LHFPL6: variants seen among roughly 807,000 people sequenced by gnomAD.
LHFPL6 encodes LHFPL tetraspan subfamily member 6.
A neutral mutation model predicts 20.6 loss-of-function variants in LHFPL6; 9 were observed. That is an observed-to-expected ratio of 0.44 (90% CI 0.26 to 0.76). LHFPL6 has a LOEUF of 0.76. LHFPL6 is among the 30% of genes least tolerant of loss of function. The pLI, the probability that LHFPL6 is intolerant of heterozygous loss-of-function variation, is 0.20. For missense variants in LHFPL6, 218 were observed against 253.5 expected (o/e 0.86, Z 0.95); for synonymous variants, 105 against 98.7 (o/e 1.06, Z -0.38).
chr13:39,439,782 G>A (rs1566111875), intron 2 of LHFPL6, among the ~76,000 whole-genome samples: 1 of 152,096 alleles, frequency 6.6e-6, no homozygotes, highest in African/African-American at 2.4e-5. Flanking sequence ...TCTCTGGCAT[G>A]TGAAGTGCCT....
chr13:39,374,266 T>C (rs541041062), intron 3 of LHFPL6, among the ~76,000 whole-genome samples: 1 of 152,094 alleles, frequency 6.6e-6, no homozygotes, highest in South Asian at 2.1e-4. Flanking sequence ...AAGGAGTAAA[T>C]ACAAAAACAG....
chr13:39,381,088 C>A (rs181046836), intron 2 of LHFPL6, among the ~76,000 whole-genome samples: 1 of 152,162 alleles, frequency 6.6e-6, no homozygotes, highest in Admixed American at 6.5e-5. Context: ...TCCACTCAGT[C>A]CGTGGAAAAA....
At chr13:39,550,939 G>C (rs1447381466) in intron 2 of LHFPL6, among the ~76,000 whole-genome samples, 1 of 152,072 alleles carries the variant, frequency 6.6e-6, no homozygotes, top group African/African-American at 2.4e-5. Context: ...AATCAGAATA[G>C]TATAAAGAAT....
chr13:39,566,446 A>G (rs868615447), intron 2 of LHFPL6, among the ~76,000 whole-genome samples: 2 of 152,142 alleles, frequency 1.3e-5, no homozygotes, highest in Non-Finnish European at 2.9e-5. Flanking sequence ...ACGAAGTAAT[A>G]AATGATGAGT....
At chr13:39,586,499 C>A (rs1385464417) in intron 2 of LHFPL6, among the ~76,000 whole-genome samples, 2 of 152,064 alleles carry the variant, frequency 1.3e-5, no homozygotes, top group African/African-American at 4.8e-5. Flanking sequence ...ATTGTATTTT[C>A]TTTCCCCCTT....
intron 2 of LHFPL6, among the ~76,000 whole-genome samples, chr13:39,552,128 C>T (rs1022600090): frequency 9.9e-5 from 15 of 152,150 alleles, no homozygotes; most frequent in Non-Finnish European, 1.5e-4. Flanking sequence ...ATAGCATTCC[C>T]TTCATGGATC....
chr13:39,509,371 C>A (rs1869605954), intron 2 of LHFPL6, among the ~76,000 whole-genome samples: 1 of 152,006 alleles, frequency 6.6e-6, no homozygotes, highest in Admixed American at 6.6e-5. Flanking sequence ...AACACGAGGT[C>A]ATAAATATTT....
chr13:39,559,030 G>A (rs917174511), intron 2 of LHFPL6, among the ~76,000 whole-genome samples: 1 of 152,206 alleles, frequency 6.6e-6, no homozygotes, highest in Non-Finnish European at 1.5e-5. Context: ...CGATGGAGAG[G>A]TGCTGAGAGA....
At chr13:39,348,137 A>T (rs899656824) in intron 3 of LHFPL6, among the ~76,000 whole-genome samples, 2 of 152,192 alleles carry the variant, frequency 1.3e-5, no homozygotes, top group Non-Finnish European at 2.9e-5. Flanking sequence ...AGAAGTCAAT[A>T]AAATAGCAGA....
At chr13:39,448,551 A>G (rs1872354903) in intron 2 of LHFPL6, among the ~76,000 whole-genome samples, 1 of 152,224 alleles carries the variant, frequency 6.6e-6, no homozygotes, top group African/African-American at 2.4e-5. Context: ...TCTGTAAACA[A>G]TGTACAACTT....
At chr13:39,473,474 C>T (rs145143677) in intron 2 of LHFPL6, among the ~76,000 whole-genome samples, 19 of 149,218 alleles carry the variant, frequency 1.3e-4, no homozygotes, top group African/African-American at 3.3e-4. Context: ...TGAAAGCCAA[C>T]GGTAGTTCAG....
At chr13:39,371,512 G>C (rs74657161) in intron 3 of LHFPL6, among the ~76,000 whole-genome samples, 1,693 of 152,302 alleles carry the variant, frequency 0.011, 38 homozygotes, top group African/African-American at 0.038. Context: ...TTATGTGCCA[G>C]ATGCTGTGAC....
At position 39,547,954 on chromosome 13, in the gene LHFPL6, A is replaced by C. The variant is rs541580113; in HGVS notation, c.385+52878T>G. Reference sequence around the variant, plus strand: ...AAACTTAAGTCACTTTCTTTTAGGAACACAATGGATTTATGTACCTTATCC... The same window carrying C: ...AAACTTAAGTCACTTTCTTTTAGGACCACAATGGATTTATGTACCTTATCC... On this transcript the variant is annotated intron_variant, in intron 2 of 3. Transcript: ENST00000379589. Among the ~76,000 whole-genome samples, 6 of 152,202 alleles carry C rather than the reference A, an allele frequency of 3.9e-5. No homozygotes were observed. In the East Asian group the frequency reaches 9.7e-4, roughly 24 times the overall value.
chr13:39,506,411 A>G (rs1869485892), intron 2 of LHFPL6, among the ~76,000 whole-genome samples: 1 of 152,206 alleles, frequency 6.6e-6, no homozygotes, highest in South Asian at 2.1e-4. Flanking sequence ...AAGATAGTAA[A>G]CATTTGTCAA....
chr13:39,456,463 C>A (rs1383130103), intron 2 of LHFPL6, among the ~76,000 whole-genome samples: 1 of 152,142 alleles, frequency 6.6e-6, no homozygotes, highest in African/African-American at 2.4e-5. Flanking sequence ...AAAAACAATT[C>A]TTCACAAAAT....
rs185836534 is a variant in LHFPL6 at position 39,376,963 on chromosome 13, C to G, written c.484+1465G>C. Reference sequence around the variant, plus strand: ...CACCTTCCCCTGCTGCTCTTCTCTCCTAAAGCAGATCATAAAACCTAGAAA... The same window carrying G: ...CACCTTCCCCTGCTGCTCTTCTCTCGTAAAGCAGATCATAAAACCTAGAAA... On this transcript the variant is annotated intron_variant, in intron 3 of 3. Transcript: ENST00000379589. Among the ~76,000 whole-genome samples the G allele has an allele frequency of 2.6e-5, 4 of 152,228 alleles. No individual in the cohort carries two copies. The East Asian group carries it at 7.7e-4, about 29-fold the overall frequency.
intron 2 of LHFPL6, among the ~76,000 whole-genome samples, chr13:39,587,859 T>C (rs1419341520): frequency 6.6e-6 from 1 of 152,010 alleles, no homozygotes; most frequent in African/African-American, 2.4e-5. Context: ...TGTGATTTTC[T>C]GATGAGAGCT....
At chr13:39,419,853 A>G (rs995825736) in intron 2 of LHFPL6, among the ~76,000 whole-genome samples, 2 of 152,196 alleles carry the variant, frequency 1.3e-5, no homozygotes, top group African/African-American at 4.8e-5. Context: ...ATGATTGACT[A>G]AATTTTTTTT....
intron 2 of LHFPL6, among the ~76,000 whole-genome samples, chr13:39,471,670 T>C (rs1335814340): frequency 6.6e-6 from 1 of 152,236 alleles, no homozygotes; most frequent in Non-Finnish European, 1.5e-5. Flanking sequence ...CTTTATGTTA[T>C]CCATTGGTAC....
Sources: allele counts gnomAD v4.1 joint callset (sites outside exome capture counted in the v4.1 genomes callset), GRCh38; gene constraint gnomAD v4.1.1; transcripts MANE v1.5; gene names NCBI Gene and HGNC (gene_info 2026-07-23, HGNC 2026-07-21).